The following SERPINB7 variants were observed in gnomAD, a reference collection of about 807,000 sequenced individuals.
SERPINB7 encodes the protein serpin B7.
In SERPINB7, 31 loss-of-function variants were observed where a neutral mutation model predicts 37.4. The observed-to-expected ratio is 0.83, with a 90% CI of 0.62 to 1.12. The LOEUF (loss-of-function observed/expected upper bound fraction) is 1.12. Among genes scored for constraint, SERPINB7 ranks in the 50% most tolerant of loss-of-function variants. The pLI is 0.00. For missense variants in SERPINB7, 521 were observed against 455.3 expected, an observed-to-expected ratio of 1.14 and a Z score of -1.31; for synonymous variants, 163 against 166.1, an observed-to-expected ratio of 0.98 and a Z score of 0.14.
At chr18:63,758,744 C>A (rs1280791850) in intron 1 of SERPINB7, among the ~76,000 whole-genome samples, 1 of 152,134 alleles carries the variant, frequency 6.6e-6, no homozygotes, top group African/African-American at 2.4e-5. Context: ...ATGGTCCCAC[C>A]TCCTTCTAGC....
chr18:63,785,605 T>C (rs2049355787), intron 2 of SERPINB7, among the ~76,000 whole-genome samples: 1 of 151,988 alleles, frequency 6.6e-6, no homozygotes, highest in African/African-American at 2.4e-5. Flanking sequence ...ATCAGTGTGC[T>C]TGAGGTTCAA....
chr18:63,785,376 T>C (rs1238193074), intron 2 of SERPINB7, among the ~76,000 whole-genome samples: 1 of 152,164 alleles, frequency 6.6e-6, no homozygotes, highest in Non-Finnish European at 1.5e-5. Flanking sequence ...CAAAGTGTCA[T>C]AGCTTCGCCA....
intron 1 of SERPINB7, among the ~76,000 whole-genome samples, chr18:63,764,377 T>C (rs896480416): frequency 3.3e-5 from 5 of 152,204 alleles, no homozygotes; most frequent in Admixed American, 3.3e-4. Context: ...AGTGACAAAG[T>C]GGTTTGGCCC....
chr18:63,791,276 A>G (rs2049424364), intron 2 of SERPINB7, among the ~76,000 whole-genome samples: 1 of 152,224 alleles, frequency 6.6e-6, no homozygotes, highest in Admixed American at 6.5e-5. Flanking sequence ...GTATCCCAGA[A>G]CTTAAAGAAT....
intron 1 of SERPINB7, 27 bp from the exon 2 acceptor site, chr18:63,782,328 T>G: frequency 7.5e-7 from 1 of 1,334,142 alleles, no homozygotes; most frequent in Non-Finnish European, 1.0e-6. Flanking sequence ...TACCGGGAAC[T>G]AATTTCATTT....
chr18:63,790,071 A>G (rs1170460601), intron 2 of SERPINB7, among the ~76,000 whole-genome samples: 2 of 152,234 alleles, frequency 1.3e-5, no homozygotes, highest in Non-Finnish European at 2.9e-5. Context: ...TCACTTGCAA[A>G]TAATTAGGTG....
intron 1 of SERPINB7, among the ~76,000 whole-genome samples, chr18:63,767,127 A>T (rs1391615956): frequency 6.6e-6 from 1 of 152,154 alleles, no homozygotes; most frequent in Non-Finnish European, 1.5e-5. Flanking sequence ...ACACAGGTCC[A>T]GTTGGGGACT....
At chr18:63,777,709 A>G (rs1828967154) in intron 1 of SERPINB7, 1 of 152,500 alleles carries the variant, frequency 6.6e-6, no homozygotes, top group Admixed American at 6.6e-5. Context: ...TATCATGGCC[A>G]TCATAAAAAA....
intron 1 of SERPINB7, among the ~76,000 whole-genome samples, chr18:63,759,525 T>C (rs2049140838): frequency 1.3e-5 from 2 of 152,152 alleles, no homozygotes; most frequent in Non-Finnish European, 2.9e-5. Flanking sequence ...ATTATTATTT[T>C]TTTCTTTCTA....
intron 4 of SERPINB7, 23 bp from the exon 5 acceptor site, chr18:63,796,243 G>A (rs2049486400): frequency 5.3e-6 from 7 of 1,325,272 alleles, no homozygotes; most frequent in African/African-American, 1.5e-5. Flanking sequence ...TTGTAAATAC[G>A]AGAACTATAT....
At chr18:63,767,382 G>T (rs1188546776) in intron 1 of SERPINB7, among the ~76,000 whole-genome samples, 1 of 152,080 alleles carries the variant, frequency 6.6e-6, no homozygotes, top group Non-Finnish European at 1.5e-5. Flanking sequence ...GCTCACCATT[G>T]TCTTGATTGT....
chr18:63,786,905 G>A (rs2144621922), intron 2 of SERPINB7, among the ~76,000 whole-genome samples: 1 of 152,250 alleles, frequency 6.6e-6, no homozygotes, highest in African/African-American at 2.4e-5. Context: ...TTTACTGTAG[G>A]TTGAATATCC....
intron 2 of SERPINB7, among the ~76,000 whole-genome samples, chr18:63,785,382 C>T (rs552907118): frequency 2.6e-4 from 39 of 152,240 alleles, no homozygotes; most frequent in African/African-American, 7.0e-4. Context: ...GTCATAGCTT[C>T]GCCAGTAGAT....
upstream of SERPINB7, among the ~76,000 whole-genome samples, chr18:63,773,290 AC>A (rs2049222098): frequency 1.3e-5 from 2 of 152,102 alleles, no homozygotes; most frequent in Admixed American, 6.6e-5. Context: ...ACCAACAAAA[AC>A]CATATCAAGC....
At chr18:63,790,704 T>C (rs550488234) in intron 2 of SERPINB7, among the ~76,000 whole-genome samples, 1 of 152,296 alleles carries the variant, frequency 6.6e-6, no homozygotes, top group South Asian at 2.1e-4. Context: ...TTGAAAACAC[T>C]GTAAAACATG....
intron 1 of SERPINB7, among the ~76,000 whole-genome samples, chr18:63,775,933 T>A (rs946756201): frequency 6.6e-6 from 1 of 152,072 alleles, no homozygotes; most frequent in African/African-American, 2.4e-5. Flanking sequence ...GTGCTTGGGT[T>A]TGGATTCTGC....
At chr18:63,753,489 T>C (rs1022597582) in intron 1 of SERPINB7, among the ~76,000 whole-genome samples, 10 of 152,360 alleles carry the variant, frequency 6.6e-5, no homozygotes, top group Admixed American at 4.6e-4. Flanking sequence ...AGATAGCTCA[T>C]ACACCAACTA....
intron 1 of SERPINB7, among the ~76,000 whole-genome samples, chr18:63,781,217 A>G (rs1010585214): frequency 6.6e-6 from 1 of 152,272 alleles, no homozygotes; most frequent in African/African-American, 2.4e-5. Flanking sequence ...CCAGATGCCT[A>G]TGTGTGCTCT....
chr18:63,791,810 C>A (rs1279714748), intron 2 of SERPINB7, among the ~76,000 whole-genome samples: 2 of 152,036 alleles, frequency 1.3e-5, no homozygotes, highest in African/African-American at 4.8e-5. Flanking sequence ...CGGGTTTTCA[C>A]CGTGTTAGCC....
Sources: gnomAD v4.1 joint callset for allele counts (sites outside exome capture counted in the v4.1 genomes callset) on GRCh38, gnomAD v4.1.1 for gene constraint, MANE v1.5 for transcripts, NCBI Gene and HGNC (gene_info 2026-07-23, HGNC 2026-07-21) for gene names.